The following KIF14 variants were observed in gnomAD, a reference collection of about 807,000 sequenced individuals.
KIF14 encodes kinesin family member 14.
A neutral mutation model predicts 176.2 loss-of-function variants in KIF14; 98 were observed. The ratio of observed to expected loss-of-function variants is 0.56; its 90% CI spans 0.47 to 0.66. KIF14 has a LOEUF of 0.66. Ranked by LOEUF, KIF14 falls within the 30% of genes least tolerant of loss-of-function variation. The pLI is 0.00. For synonymous variants in KIF14, 566 were observed against 632.2 expected (o/e 0.90, Z 1.57); for missense variants, 1,751 against 1,920.4 (o/e 0.91, Z 1.65).
chr1:200,582,050 A>G (rs1048591794), intron 19 of KIF14, among the ~76,000 whole-genome samples: 3 of 151,894 alleles, frequency 2.0e-5, no homozygotes, highest in Non-Finnish European at 4.4e-5. Context: ...GATTACAGAC[A>G]TGAGCCACCA....
Position 200,605,313 on chromosome 1 carries a change from T to G in KIF14, c.1716A>C (p.Ser572=), listed in dbSNP as rs1267775470. The change falls in exon 8 of 30, where the codon TCA becomes TCC. Residue 572 remains serine, a synonymous_variant. Transcript: ENST00000367350. ...GMNDKSSRSH[S]VFTLVMTQTK... is the part of the protein sequence containing the mutation. ...TCTGGGTCATCACCAGGGTGAAAAC[T>G]GAATGAGATCGGGAACTTTTATCAT... 6.2e-7 allele frequency: 1 copy of G among 1,613,424 alleles called. No individual in the cohort carries two copies.
intron 11 of KIF14, 47 bp from the exon 12 acceptor site, chr1:200,600,550 A>G (rs772664400): frequency 1.5e-6 from 2 of 1,295,782 alleles, no homozygotes; most frequent in Admixed American, 3.6e-5. Flanking sequence ...TTAATATATA[A>G]CAATTTCCAC....
chr1:200,601,960 G>T lies in KIF14; in HGVS notation c.2088C>A (p.Asn696Lys), dbSNP rs373405829. ...CAATGTTGACTATTAAACGGGCTTG[G>T]TTAGCATATCTAAGTGTGCTTAATG... Reference protein sequence around the residue: ...EETLSTLRYANQARLIVNIAK... With the variant: ...EETLSTLRYAKQARLIVNIAK... The change falls in exon 11 of 30, where the codon AAC (asparagine) becomes AAA (lysine). Residue 696 changes from asparagine (N) to lysine (K), a missense_variant. Transcript: ENST00000367350. 6.2e-7 allele frequency: 1 copy of T among 1,613,658 alleles called. No homozygotes were observed. The highest frequency in any genetic ancestry group is 8.5e-7 in the Non-Finnish European group (1 of 1,179,718).
chr1:200,585,337 T>A (rs943898200), intron 19 of KIF14, among the ~76,000 whole-genome samples: 3 of 151,876 alleles, frequency 2.0e-5, no homozygotes, highest in African/African-American at 7.3e-5. Flanking sequence ...ATGTTGTACA[T>A]CTTAAATATA....
Position 200,586,089 on chromosome 1 carries a change from G to GCA in KIF14, c.3241+10_3241+11dup. 2.0e-6 allele frequency: 3 copies of GCA among 1,492,134 alleles called. No homozygotes were observed. Among genetic ancestry groups the GCA allele is most frequent in the Non-Finnish European group, 2.7e-6 (3 of 1,107,968 alleles). The allele number at this position is 1,492,134 out of a possible 1,614,324, so 92.4% of individuals were successfully genotyped here. A position where few individuals can be genotyped will look rare whatever the true frequency, so the allele number is the denominator to read the frequency against. ...TTTTAGAAAATGTTTGCTAAAATCAGCACACACTTACCTGTAAAAGTTTTA... is the reference window on the plus strand; with the variant it reads ...TTTTAGAAAATGTTTGCTAAAATCAGCACACACACTTACCTGTAAAAGTTTTA... On this transcript the variant is annotated intron_variant, in intron 19 of 29. Coordinates refer to ENST00000367350, the MANE Select transcript of KIF14 (RefSeq NM_014875.3).
Position 200,600,378 on chromosome 1 carries a change from T to C in KIF14, c.2278A>G (p.Arg760Gly). 1.2e-6 allele frequency: 2 copies of C among 1,613,900 alleles called. No homozygotes were observed. Among genetic ancestry groups the C allele is most frequent in the South Asian group, 1.1e-5 (1 of 91,080 alleles). The part of the protein sequence containing the change: ...SLRMKLHQQE[R>G]DMAEMQRVWK... ...TACCTTTGCATTTCTGCCATGTCTC[T>C]CTCCTGTTGATGCAGTTTCATTCTT... The change falls in exon 12 of 30, where the codon AGA becomes GGA. Residue 760 changes from arginine to glycine, a missense_variant. Coordinates refer to ENST00000367350, the MANE Select transcript of KIF14 (RefSeq NM_014875.3).
At chr1:200,560,552 A>G (rs532530862) in intron 26 of KIF14, among the ~76,000 whole-genome samples, 170 bp downstream of exon 26, 121 of 152,294 alleles carry the variant, frequency 7.9e-4, no homozygotes, top group African/African-American at 2.7e-3. Context: ...GATTACAGGC[A>G]TAAGCCACCA....
intron 18 of KIF14, among the ~76,000 whole-genome samples, chr1:200,587,061 G>A (rs912673648): frequency 6.6e-6 from 1 of 152,092 alleles, no homozygotes. Flanking sequence ...TCCACGGACA[G>A]GGGCTCAGGG....
In KIF14 at chr1:200,554,625, T is replaced by C. The variant is rs377485712; in HGVS notation, c.4429-19A>G. 2.4e-5 allele frequency: 30 copies of C among 1,273,012 alleles called. No individual in the cohort carries two copies. In the African/African-American group the frequency reaches 4.4e-4, roughly 19 times the overall value. The allele number at this position is 1,273,012 out of a possible 1,614,324, so 78.9% of individuals were successfully genotyped here. ...AACTTTTCTGTATAAATAAAGTTAA[T>C]ATTTAAAATAATACATTAACAGGCT... On this transcript the variant is annotated intron_variant, in intron 28 of 29. Transcript: ENST00000367350.
intron 16 of KIF14, 44 bp downstream of exon 16, chr1:200,592,036 A>C (rs1659079338): frequency 6.9e-7 from 1 of 1,458,018 alleles, no homozygotes; most frequent in Non-Finnish European, 9.5e-7. Flanking sequence ...TCTGTTGTAG[A>C]TCTCTCTCAT....
Position 200,618,466 on chromosome 1 carries a change from A to C in KIF14, c.258T>G (p.Gly86=). 2 of 1,614,194 alleles carry C rather than the reference A, an allele frequency of 1.2e-6. No homozygotes were observed. Among genetic ancestry groups the C allele is most frequent in the Middle Eastern group, 1.6e-4 (1 of 6,062 alleles). ...ADMPLTPNPV[G]RLALQRRTTR... is the part of the protein sequence containing the mutation. Reference sequence around the variant, plus strand: ...TAGTTCTCCTCTGAAGTGCCAATCTACCTACAGGATTAGGGGTAAGGGGCA... The same window carrying C: ...TAGTTCTCCTCTGAAGTGCCAATCTCCCTACAGGATTAGGGGTAAGGGGCA... Residue 86 remains glycine (G), a synonymous_variant, in exon 2 of 30, where the codon GGT becomes GGG. Transcript: ENST00000367350.
intron 5 of KIF14, among the ~76,000 whole-genome samples, chr1:200,607,872 T>C (rs562470167): frequency 6.6e-6 from 1 of 152,250 alleles, no homozygotes; most frequent in African/African-American, 2.4e-5. Flanking sequence ...AGCTAATTTT[T>C]GTATTTTTAG....
Position 200,620,719 on chromosome 1 carries a change from A to C in KIF14, c.-424T>G, listed in dbSNP as rs1168699867. 1 of 152,360 alleles carries C rather than the reference A, an allele frequency of 6.6e-6. No homozygotes were observed. Among genetic ancestry groups the C allele is most frequent in the Non-Finnish European group, 1.5e-5 (1 of 68,158 alleles). The allele number at this position is 152,360 out of a possible 1,614,324, so 9.4% of individuals were successfully genotyped here. A position where few individuals can be genotyped will look rare whatever the true frequency, so the allele number is the denominator to read the frequency against. On this transcript the variant is annotated 5_prime_UTR_variant, in exon 1 of 30. Transcript: ENST00000367350. ...AGTCCCCACGCCACTCACCACCTCC[A>C]GCGCCGGCTCCCCAGAAGGCCGCAA...
Position 200,603,290 on chromosome 1 carries a change from C to A in KIF14, c.1915G>T (p.Ala639Ser). Residue 639 changes from alanine (A) to serine (S), a missense_variant, in exon 10 of 30, where the codon GCA (alanine) becomes TCA (serine). Transcript: ENST00000367350. The stretch of plus-strand genomic sequence containing the variant: ...CTTTGGTTTGCTTGTTCCGAAAGTG[C>A]AGATATAACTTTTCCCAAAGTTAGC... ...SLLTLGKVIS[A>S]LSEQANQRSV... is the part of the protein sequence containing the mutation. 6.2e-7 allele frequency: 1 copy of A among 1,609,112 alleles called. No homozygotes were observed. The highest frequency in any genetic ancestry group is 8.5e-7 in the Non-Finnish European group (1 of 1,176,568).
intron 8 of KIF14, among the ~76,000 whole-genome samples, chr1:200,604,872 T>G (rs1035494090): frequency 1.3e-5 from 2 of 152,072 alleles, no homozygotes; most frequent in Non-Finnish European, 2.9e-5. Flanking sequence ...CTAAATACTC[T>G]GCATAATTAC....
chr1:200,613,186 C>A (rs535762811), intron 4 of KIF14, among the ~76,000 whole-genome samples: 2 of 152,112 alleles, frequency 1.3e-5, no homozygotes, highest in Non-Finnish European at 2.9e-5. Flanking sequence ...CCGCACCCAG[C>A]CTCTAGTTTC....
intron 5 of KIF14, among the ~76,000 whole-genome samples, chr1:200,607,836 G>C (rs1457476262): frequency 6.6e-6 from 1 of 152,090 alleles, no homozygotes; most frequent in Non-Finnish European, 1.5e-5. Context: ...GAGTAGCTGG[G>C]ACTACAGGCA....
At position 200,590,134 on chromosome 1, in the gene KIF14, T is replaced by C; in HGVS notation, c.2952A>G (p.Glu984=). Residue 984 remains glutamate, a synonymous_variant, in exon 17 of 30, where the codon GAA becomes GAG. Transcript: ENST00000367350. ...AAYESKIKAL[E]AELREESQRK... ...TAATTCTGCCTTTTACCAGTTCTGC[T>C]TCCAGTGCTTTTATTTTGCTTTCAT... 1 of 1,607,904 alleles carries C rather than the reference T, an allele frequency of 6.2e-7. No homozygotes were observed. The highest frequency in any genetic ancestry group is 8.5e-7 in the Non-Finnish European group (1 of 1,178,864).
rs368594107 is a variant in KIF14, at chr1:200,618,714, G to A, written c.10C>T (p.His4Tyr). The change falls in exon 2 of 30, where the codon CAC (histidine) becomes TAC (tyrosine). Residue 4 changes from histidine to tyrosine, a missense_variant. Coordinates refer to ENST00000367350, the MANE Select transcript of KIF14 (RefSeq NM_014875.3). MSL[H>Y]STHNRNNSGD... The stretch of plus-strand genomic sequence containing the variant: ...CTGTTATTTCTATTATGAGTACTGT[G>A]TAATGACATTTTGGCAGACAGTTAT... The A allele has an allele frequency of 1.3e-6, 2 of 1,596,684 alleles. No homozygotes were observed. Among genetic ancestry groups the A allele is most frequent in the Non-Finnish European group, 1.7e-6 (2 of 1,171,372 alleles).
Sources: allele counts gnomAD v4.1 joint callset (sites outside exome capture counted in the v4.1 genomes callset), GRCh38; gene constraint gnomAD v4.1.1; transcripts MANE v1.5; gene names NCBI Gene and HGNC (gene_info 2026-07-23, HGNC 2026-07-21).